Variants in TMEM182 observed in about 807,000 individuals in gnomAD.
The protein encoded by TMEM182 is transmembrane protein 182.
Under a neutral mutation model 26.8 loss-of-function variants are expected in TMEM182, and 20 were observed. That is an observed-to-expected ratio of 0.75 (90% CI 0.53 to 1.09). The LOEUF is 1.09. Among genes scored for constraint, TMEM182 ranks in the 50% least tolerant of loss-of-function variants. The pLI, the probability that TMEM182 is intolerant of heterozygous loss-of-function variation, is 0.00. For missense variants in TMEM182, 277 were observed against 275.5 expected, an observed-to-expected ratio of 1.01 and a Z score of -0.04; for synonymous variants, 109 against 102.2, an observed-to-expected ratio of 1.07 and a Z score of -0.40.
chr2:102,775,505 T>C (rs2104685066), intron 3 of TMEM182: 1 of 152,206 alleles, frequency 6.6e-6, no homozygotes, highest in Middle Eastern at 3.4e-3. Flanking sequence ...CTCTCACCAC[T>C]CCTATTCAAC....
intron 3 of TMEM182, among the ~76,000 whole-genome samples, chr2:102,829,014 T>C (rs1340171526): frequency 6.6e-6 from 1 of 152,212 alleles, no homozygotes; most frequent in Non-Finnish European, 1.5e-5. Context: ...TAAAAGTTGT[T>C]CATTTAAGTG....
upstream of TMEM182, among the ~76,000 whole-genome samples, chr2:102,759,225 A>G (rs562859356): frequency 1.3e-5 from 2 of 152,230 alleles, no homozygotes; most frequent in Non-Finnish European, 2.9e-5. Flanking sequence ...ATTGAAATAT[A>G]AATAAGATAA....
intron 3 of TMEM182, among the ~76,000 whole-genome samples, chr2:102,771,479 G>A (rs532667888): frequency 2.6e-5 from 4 of 151,958 alleles, no homozygotes; most frequent in African/African-American, 7.2e-5. Flanking sequence ...CATCAAGGCC[G>A]TACTTAAAAA....
chr2:102,831,978 A>G (rs1045417644), intron 3 of TMEM182, among the ~76,000 whole-genome samples: 12 of 152,196 alleles, frequency 7.9e-5, no homozygotes, highest in African/African-American at 2.7e-4. Flanking sequence ...GTAAAGGTGA[A>G]TTGTGTATGC....
At chr2:102,811,944 G>C (rs1367869729) in intron 4 of TMEM182, among the ~76,000 whole-genome samples, 1 of 152,168 alleles carries the variant, frequency 6.6e-6, no homozygotes, top group African/African-American at 2.4e-5. Flanking sequence ...CTATGCGACT[G>C]GATGTTGGTG....
chr2:102,780,206 C>G (rs1040315017), intron 3 of TMEM182, among the ~76,000 whole-genome samples: 3 of 151,990 alleles, frequency 2.0e-5, no homozygotes, highest in African/African-American at 7.3e-5. Context: ...TTTATTGAAG[C>G]CTGAACTTTC....
rs1019369050 is a variant in TMEM182, at chr2:102,797,970, A to G, written c.439A>G (p.Lys147Glu). 1.7e-5 allele frequency: 28 copies of G among 1,613,986 alleles called. No homozygotes were observed. Among genetic ancestry groups the G allele is most frequent in the Non-Finnish European group, 2.3e-5 (27 of 1,179,988 alleles). ...AAPFASHFLY[K>E]AGGGSYIAAG... ...CCCCTTCGCCAGCCATTTTCTCTAC[A>G]AAGCTGGGGGAGGCTCATATATTGC... Residue 147 changes from lysine to glutamate, a missense_variant, in exon 4 of 5, where the codon AAA (lysine) becomes GAA (glutamate). Coordinates refer to ENST00000412401, the MANE Select transcript of TMEM182 (RefSeq NM_144632.5).
At chr2:102,784,273 C>T (rs1045986174) in intron 3 of TMEM182, among the ~76,000 whole-genome samples, 78 of 152,196 alleles carry the variant, frequency 5.1e-4, no homozygotes, top group African/African-American at 1.8e-3. Context: ...GCCTTTGTCT[C>T]ACAGTATTTT....
At chr2:102,824,538 C>T (rs960838901) in intron 3 of TMEM182, among the ~76,000 whole-genome samples, 6 of 152,048 alleles carry the variant, frequency 3.9e-5, no homozygotes, top group African/African-American at 1.4e-4. Flanking sequence ...TAAGATGTAC[C>T]TGCTGGCCAG....
At chr2:102,806,568 G>A (rs934953533) in intron 4 of TMEM182, among the ~76,000 whole-genome samples, 1 of 152,174 alleles carries the variant, frequency 6.6e-6, no homozygotes, top group Non-Finnish European at 1.5e-5. Flanking sequence ...GGCCTGTCCT[G>A]AAATAGCCCA....
At chr2:102,799,500 G>C (rs1435276816) in intron 4 of TMEM182, among the ~76,000 whole-genome samples, 1 of 152,206 alleles carries the variant, frequency 6.6e-6, no homozygotes, top group Non-Finnish European at 1.5e-5. Flanking sequence ...TCAGATTGAA[G>C]ACCCAAAAAG....
rs1250460580 is a variant in TMEM182, at chr2:102,817,619, T to C, written c.*2651T>C. On this transcript the variant is annotated 3_prime_UTR_variant, in exon 5 of 5. Coordinates refer to ENST00000412401, the MANE Select transcript of TMEM182 (RefSeq NM_144632.5). Reference sequence around the variant, plus strand: ...CATTTAGTCATTTTTATTACTAATCTATAAATATATTTATTAAATTTGAAG... The same window carrying C: ...CATTTAGTCATTTTTATTACTAATCCATAAATATATTTATTAAATTTGAAG... The C allele has an allele frequency of 4.1e-6, 4 of 973,910 alleles. No individual in the cohort carries two copies. The Admixed American group carries it at 2.5e-4, about 60-fold the overall frequency. 60.3% of individuals were successfully genotyped at this position (973,910 alleles called of 1,614,324 possible).
chr2:102,827,028 C>G (rs1683044948), intron 3 of TMEM182, among the ~76,000 whole-genome samples: 1 of 152,112 alleles, frequency 6.6e-6, no homozygotes, highest in African/African-American at 2.4e-5. Flanking sequence ...CTTTACTTGC[C>G]CTTGTCTTAT....
At chr2:102,828,007 T>A (rs1339001379) in intron 3 of TMEM182, among the ~76,000 whole-genome samples, 7 of 152,028 alleles carry the variant, frequency 4.6e-5, no homozygotes, top group African/African-American at 1.7e-4. Context: ...AGGAGAATCA[T>A]CTGAACCTAG....
chr2:102,738,581 A>G (rs895647821), intron 1 of TMEM182, among the ~76,000 whole-genome samples: 2 of 151,960 alleles, frequency 1.3e-5, no homozygotes, highest in Non-Finnish European at 2.9e-5. Context: ...ACAGAGGGAG[A>G]CTCTGTGTAA....
rs1273798805 is a variant in TMEM182 at position 102,815,135 on chromosome 2, C to G, written c.*167C>G. Reference sequence around the variant, plus strand: ...TTCTTCAGTAAGAAGGTCCTAGAATCTCTCCAGACACCAGCAAGCCTCTAT... The same window carrying G: ...TTCTTCAGTAAGAAGGTCCTAGAATGTCTCCAGACACCAGCAAGCCTCTAT... On this transcript the variant is annotated 3_prime_UTR_variant, in exon 5 of 5. Coordinates refer to ENST00000412401, the MANE Select transcript of TMEM182 (RefSeq NM_144632.5). 3.5e-6 allele frequency: 5 copies of G among 1,430,032 alleles called. No individual in the cohort carries two copies. The highest frequency in any genetic ancestry group is 4.5e-6 in the Non-Finnish European group (5 of 1,099,876). The allele number at this position is 1,430,032 out of a possible 1,614,324, so 88.6% of individuals were successfully genotyped here.
At chr2:102,822,774 A>T (rs1447053740) in intron 3 of TMEM182, among the ~76,000 whole-genome samples, 2 of 152,216 alleles carry the variant, frequency 1.3e-5, no homozygotes, top group African/African-American at 4.8e-5. Flanking sequence ...CCATGAAAAA[A>T]GTGGAGTGTG....
intron 3 of TMEM182, among the ~76,000 whole-genome samples, chr2:102,792,985 C>G (rs1294834655): frequency 6.6e-6 from 1 of 152,144 alleles, no homozygotes; most frequent in Non-Finnish European, 1.5e-5. Context: ...TCTTGCATCC[C>G]CTCCACTGCC....
chr2:102,752,551 T>A (rs1251765988), intron 1 of TMEM182, among the ~76,000 whole-genome samples: 1 of 152,230 alleles, frequency 6.6e-6, no homozygotes. Flanking sequence ...CTGACTATTT[T>A]ACAGTGATGC....
Sources: allele counts gnomAD v4.1 joint callset (sites outside exome capture counted in the v4.1 genomes callset), GRCh38; gene constraint gnomAD v4.1.1; transcripts MANE v1.5; gene names NCBI Gene and HGNC (gene_info 2026-07-23, HGNC 2026-07-21).